The following EPHB1 variants were observed in gnomAD, a reference collection of about 807,000 sequenced individuals.
EPHB1 encodes EPH receptor B1.
In EPHB1, 30 loss-of-function variants were observed where a neutral mutation model predicts 94.4. That is an observed-to-expected ratio of 0.32 (90% CI 0.24 to 0.43). The LOEUF is 0.43. EPHB1 is among the 20% of genes least tolerant of loss of function. EPHB1 has a pLI of 1.00. For missense variants in EPHB1, 1,055 were observed against 1,308.3 expected, an observed-to-expected ratio of 0.81 and a Z score of 2.99; for synonymous variants, 522 against 489.1, an observed-to-expected ratio of 1.07 and a Z score of -0.89.
intron 3 of EPHB1, among the ~76,000 whole-genome samples, chr3:134,963,612 T>C (rs1933616341): frequency 6.6e-6 from 1 of 152,146 alleles, no homozygotes; most frequent in Admixed American, 6.5e-5. Flanking sequence ...GAGGTACATG[T>C]GATTATTAGC....
chr3:135,132,605 G>A, intron 4 of EPHB1, 109 bp from the exon 5 acceptor site: 1 of 922,916 alleles, frequency 1.1e-6, no homozygotes, highest in Non-Finnish European at 1.6e-6. Flanking sequence ...GGAAGGAGTG[G>A]GAGGCGAGCG....
chr3:135,069,882 G>A (rs1314072995), intron 3 of EPHB1, among the ~76,000 whole-genome samples: 2 of 151,916 alleles, frequency 1.3e-5, no homozygotes, highest in East Asian at 1.9e-4. Flanking sequence ...TTCCCCAAAT[G>A]TTTGCCATTG....
chr3:134,938,943 A>G (rs1165265323), intron 2 of EPHB1, among the ~76,000 whole-genome samples: 1 of 152,118 alleles, frequency 6.6e-6, no homozygotes, highest in Non-Finnish European at 1.5e-5. Context: ...CCGCATGATT[A>G]TGGGTTGGGC....
chr3:135,204,119 G>T (rs996576014), intron 12 of EPHB1, among the ~76,000 whole-genome samples: 1 of 152,064 alleles, frequency 6.6e-6, no homozygotes, highest in Non-Finnish European at 1.5e-5. Context: ...GGAAAATGGG[G>T]TATTCATTCT....
chr3:135,249,572 T>A (rs1280409436), intron 15 of EPHB1, 81 bp downstream of exon 15: 14 of 1,494,272 alleles, frequency 9.4e-6, no homozygotes, highest in African/African-American at 1.4e-5. Context: ...GTGTGAGTCC[T>A]ATTTCTGGCC....
At chr3:135,119,643 G>A (rs1009620038) in intron 4 of EPHB1, among the ~76,000 whole-genome samples, 1 of 151,966 alleles carries the variant, frequency 6.6e-6, no homozygotes, top group African/African-American at 2.4e-5. Flanking sequence ...GTAGAGGTGG[G>A]GTTTTGCCAT....
At chr3:135,167,478 A>G (rs916427131) in intron 9 of EPHB1, among the ~76,000 whole-genome samples, 1 of 152,238 alleles carries the variant, frequency 6.6e-6, no homozygotes, top group Non-Finnish European at 1.5e-5. Context: ...GTGCTGGGAT[A>G]TCTCCCAAGT....
chr3:135,168,613 A>C lies in EPHB1; in HGVS notation c.1759+1607A>C, dbSNP rs115911249. ...ACCTGTGATTCTCAAGTGATGGTGC[A>C]CTCACCAGGGTGCCTCCGTATTTCC... On this transcript the variant is annotated intron_variant, in intron 9 of 15. Transcript: ENST00000398015. Among the ~76,000 whole-genome samples, 1,192 of 152,198 alleles carry C rather than the reference A, an allele frequency of 7.8e-3. 16 individuals are homozygous for C. Among genetic ancestry groups the C allele is most frequent in the South Asian group, 0.03 (144 of 4,816 alleles).
chr3:134,886,835 A>G (rs2108313903), intron 1 of EPHB1, among the ~76,000 whole-genome samples: 1 of 152,166 alleles, frequency 6.6e-6, no homozygotes, highest in East Asian at 1.9e-4. Context: ...AAGTCACACA[A>G]TTAGTGACTG....
chr3:134,966,797 T>C (rs1450624228), intron 3 of EPHB1, among the ~76,000 whole-genome samples: 1 of 152,292 alleles, frequency 6.6e-6, no homozygotes, highest in African/African-American at 2.4e-5. Context: ...CCTGCCATTC[T>C]GTTTGCCCAG....
chr3:134,972,903 T>C (rs908826781), intron 3 of EPHB1, among the ~76,000 whole-genome samples: 2 of 152,178 alleles, frequency 1.3e-5, no homozygotes, highest in African/African-American at 2.4e-5. Flanking sequence ...TATTTGGACC[T>C]AGAGTCTGGG....
intron 13 of EPHB1, among the ~76,000 whole-genome samples, chr3:135,241,923 G>C (rs1943793844): frequency 6.6e-6 from 1 of 152,216 alleles, no homozygotes; most frequent in Non-Finnish European, 1.5e-5. Flanking sequence ...GAGGGTCCCT[G>C]TCTGTGGGGA....
intron 3 of EPHB1, among the ~76,000 whole-genome samples, chr3:135,088,595 A>G (rs1938443297): frequency 6.6e-6 from 1 of 152,186 alleles, no homozygotes; most frequent in South Asian, 2.1e-4. Context: ...TTTTCACCTC[A>G]TAGTTGAAGA....
At chr3:135,246,559 G>A (rs140879073) in intron 13 of EPHB1, among the ~76,000 whole-genome samples, 352 of 152,194 alleles carry the variant, frequency 2.3e-3, no homozygotes, top group African/African-American at 7.3e-3. Context: ...ATCAAGCACC[G>A]CTGTGATTTA....
At chr3:135,049,414 T>A (rs1453127570) in intron 3 of EPHB1, among the ~76,000 whole-genome samples, 1 of 152,194 alleles carries the variant, frequency 6.6e-6, no homozygotes. Context: ...GCTTCTTCAC[T>A]CACAGATCTG....
intron 1 of EPHB1, among the ~76,000 whole-genome samples, chr3:134,851,041 T>G (rs532391884): frequency 2.0e-5 from 3 of 152,234 alleles, no homozygotes; most frequent in Non-Finnish European, 4.4e-5. Flanking sequence ...ATTGCCTTCT[T>G]TCCTCCTGGA....
intron 11 of EPHB1, among the ~76,000 whole-genome samples, chr3:135,195,102 C>A (rs1444857295): frequency 6.6e-6 from 1 of 152,060 alleles, no homozygotes; most frequent in East Asian, 1.9e-4. Context: ...GAATAAAAGG[C>A]AATGTGAGAA....
At chr3:134,856,922 A>G (rs2037133580) in intron 1 of EPHB1, among the ~76,000 whole-genome samples, 1 of 152,246 alleles carries the variant, frequency 6.6e-6, no homozygotes, top group South Asian at 2.1e-4. Flanking sequence ...AAAAAGGAAA[A>G]GAAGGAAGGT....
intron 1 of EPHB1, among the ~76,000 whole-genome samples, chr3:134,871,391 T>G (rs1299985319): frequency 6.6e-6 from 1 of 152,080 alleles, no homozygotes; most frequent in Admixed American, 6.5e-5. Flanking sequence ...GGGAGTGAGG[T>G]GTTTGGCAGG....
Sources: gnomAD v4.1 joint callset for allele counts (sites outside exome capture counted in the v4.1 genomes callset) on GRCh38, gnomAD v4.1.1 for gene constraint, MANE v1.5 for transcripts, NCBI Gene and HGNC (gene_info 2026-07-23, HGNC 2026-07-21) for gene names.